The following ZFHX2 variants were observed in gnomAD, a reference collection of about 807,000 sequenced individuals.
The protein encoded by ZFHX2 is zinc finger homeobox protein 2.
ZFHX2 carries 75 observed loss-of-function variants against 164.8 expected under a neutral mutation model. That is an observed-to-expected ratio of 0.46 (90% confidence interval 0.38 to 0.55). The LOEUF is 0.55. Ranked by LOEUF, ZFHX2 falls within the 20% of genes least tolerant of loss-of-function variation. The pLI, the probability that ZFHX2 is intolerant of heterozygous loss-of-function variation, is 0.00. For missense variants in ZFHX2, 2,933 were observed against 3,308.0 expected (o/e 0.89, Z 2.78); for synonymous variants, 1,217 against 1,351.4 (o/e 0.90, Z 2.18).
chr14:23,535,023 T>C lies in ZFHX2; in HGVS notation c.303A>G (p.Glu101=), dbSNP rs1169039616. 7 of 1,536,160 alleles carry C rather than the reference T, an allele frequency of 4.6e-6. No individual in the cohort carries two copies. In the South Asian group the frequency reaches 5.9e-5, roughly 13 times the overall value. The change falls in exon 2 of 10, where the codon GAA becomes GAG. Residue 101 remains glutamate, a synonymous_variant. Coordinates refer to ENST00000419474, the MANE Select transcript of ZFHX2 (RefSeq NM_033400.3). This position sits in a 1 kb window ranked among gnomAD's most constrained non-coding sequence, Gnocchi z 4.5. ...GVEKDKEQEE[E]EEGLPPMDLS... ...GGTCCATGGGAGGGAGCCCTTCTTC[T>C]TCCTCCTCCTGCTCCTTGTCCTTTT...
intron 1 of ZFHX2, among the ~76,000 whole-genome samples, chr14:23,536,223 C>G (rs1279587164): frequency 6.6e-6 from 1 of 152,180 alleles, no homozygotes; most frequent in Non-Finnish European, 1.5e-5. Context: ...CATCCAGCAG[C>G]CAGAATGGGG....
intron 7 of ZFHX2, among the ~76,000 whole-genome samples, 177 bp downstream of exon 7, chr14:23,527,427 C>T (rs1878878116): frequency 6.6e-6 from 1 of 152,228 alleles, no homozygotes; most frequent in African/African-American, 2.4e-5. Context: ...TTCCTCCCCT[C>T]CTGGATGGCC....
In ZFHX2 at chr14:23,526,437, G is replaced by A. The variant is rs762706236; in HGVS notation, c.3505C>T (p.His1169Tyr). Residue 1169 changes from histidine (H) to tyrosine (Y), a missense_variant, in exon 9 of 10, where the codon CAC becomes TAC. Physicochemically the swap from His to Tyr is moderately conservative, Grantham distance 83 (BLOSUM62 2). Transcript: ENST00000419474. ...GTGGTTTTCCGATAGGTCAGAGGGT[G>A]GCGAGAGTCAGCTGGAGCTGGCTCT... ...SAEPAPADSR[H>Y]PLTYRKTTNF... is the part of the protein sequence containing the mutation. 128 of 1,536,354 alleles carry A rather than the reference G, an allele frequency of 8.3e-5. No homozygotes were observed. In the African/African-American group the frequency reaches 1.6e-3, roughly 20 times the overall value.
Position 23,525,908 on chromosome 14 carries a change from A to AG in ZFHX2, c.4033dup (p.Leu1345ProfsTer13). On this transcript the variant is annotated frameshift_variant, in exon 9 of 10. Transcript: ENST00000419474. LOFTEE classifies it high-confidence loss of function. The surrounding 1 kb of genome is among the most constrained non-coding windows in gnomAD (Gnocchi z 5.9). ...TTCGGGCACCAGAGGGAAGGGGGGC[A>AG]GGACTGGTGGGGTGAAGAGAGGGGC... 6.9e-7 allele frequency: 1 copy of AG among 1,440,188 alleles called. No homozygotes were observed. The highest frequency in any genetic ancestry group is 9.1e-7 in the Non-Finnish European group (1 of 1,101,436). 89.2% of individuals were successfully genotyped at this position (1,440,188 alleles called of 1,614,324 possible). A position where few individuals can be genotyped will look rare whatever the true frequency, so the allele number is the denominator to read the frequency against.
At position 23,551,085 on chromosome 14, in the gene ZFHX2, ATC is replaced by A. The variant is rs1484504913; in HGVS notation, c.-50+256_-50+257del. ...TTCCCGTTTCTCCCTCCACCCCCGC[ATC>A]TCTCTTCCCCCATCCTCGCGCACGC... On this transcript the variant is annotated intron_variant, in intron 1 of 9. Transcript: ENST00000419474. The surrounding 1 kb of genome is among the most constrained non-coding windows in gnomAD (Gnocchi z 5.3). Among the ~76,000 whole-genome samples the A allele has an allele frequency of 7.9e-6, 1 of 127,134 alleles. No individual in the cohort carries two copies. Among genetic ancestry groups the A allele is most frequent in the East Asian group, 2.2e-4 (1 of 4,578 alleles). 83.4% of individuals were successfully genotyped at this position (127,134 alleles called of 152,430 possible).
chr14:23,541,476 A>G (rs1880811182), intron 1 of ZFHX2, among the ~76,000 whole-genome samples: 1 of 150,910 alleles, frequency 6.6e-6, no homozygotes, highest in Non-Finnish European at 1.5e-5. Context: ...TAGTACAGAC[A>G]GAGCTTCTCC....
rs1437545807 is a variant in ZFHX2, at chr14:23,532,889, G to A, written c.2237C>T (p.Pro746Leu). The A allele has an allele frequency of 4.6e-6, 7 of 1,536,108 alleles. No individual in the cohort carries two copies. Among genetic ancestry groups the A allele is most frequent in the East Asian group, 4.9e-5 (2 of 40,940 alleles). Reference protein sequence around the residue: ...LYHCSIGRSLPEAEWKEVAGD... With the variant: ...LYHCSIGRSLLEAEWKEVAGD... ...AGCCACCTCCTTCCATTCAGCTTCC[G>A]GGAGGCTCCGGCCTATGCTGCAGTG... The change falls in exon 3 of 10, where the codon CCG becomes CTG. Residue 746 changes from proline (P) to leucine (L), a missense_variant. Pro to Leu is a moderately conservative substitution (Grantham distance 98). Transcript: ENST00000419474.
chr14:23,531,162 C>T (rs189304552), intron 4 of ZFHX2: 203 of 237,358 alleles, frequency 8.6e-4, no homozygotes, highest in African/African-American at 4.0e-3. Flanking sequence ...CTACCCAGCT[C>T]CAGCCTGCCA....
chr14:23,553,987 C>T (rs959186160), upstream of ZFHX2, among the ~76,000 whole-genome samples: 2 of 147,124 alleles, frequency 1.4e-5, no homozygotes, highest in Non-Finnish European at 3.0e-5. Flanking sequence ...TCATTTGAAC[C>T]CAGGAGGCAG....
At chr14:23,538,068 A>G (rs1880384448) in intron 1 of ZFHX2, 1 of 152,312 alleles carries the variant, frequency 6.6e-6, no homozygotes, top group Non-Finnish European at 1.5e-5. Flanking sequence ...CCCAAATCCT[A>G]CAGTAACTCC....
Position 23,521,861 on chromosome 14 carries a change from G to T in ZFHX2, c.*101C>A. ...GAACAGTTCCTGTGAGGTGGGCGGG[G>T]CCAGGGGGTGGGGTGAGGGATTTGA... On this transcript the variant is annotated 3_prime_UTR_variant, in exon 10 of 10. Transcript: ENST00000419474. 1.3e-6 allele frequency: 2 copies of T among 1,491,392 alleles called. No homozygotes were observed. The highest frequency in any genetic ancestry group is 1.8e-6 in the Non-Finnish European group (2 of 1,126,260). 92.4% of individuals were successfully genotyped at this position (1,491,392 alleles called of 1,614,324 possible).
chr14:23,535,421 C>G lies in ZFHX2; in HGVS notation c.-49-47G>C, dbSNP rs1262503566. ...GCAGTGCTGTGAGGCTGCAGGGACCCCAGCTGGGCAGCTGGATCTCTGGAT... is the reference window on the plus strand; with the variant it reads ...GCAGTGCTGTGAGGCTGCAGGGACCGCAGCTGGGCAGCTGGATCTCTGGAT... On this transcript the variant is annotated intron_variant, in intron 1 of 9. Coordinates refer to ENST00000419474, the MANE Select transcript of ZFHX2 (RefSeq NM_033400.3). This position sits in a 1 kb window ranked among gnomAD's most constrained non-coding sequence, Gnocchi z 4.5. 1 of 1,380,926 alleles carries G rather than the reference C, an allele frequency of 7.2e-7. No homozygotes were observed. Among genetic ancestry groups the G allele is most frequent in the Non-Finnish European group, 9.4e-7 (1 of 1,064,926 alleles). 85.5% of individuals were successfully genotyped at this position (1,380,926 alleles called of 1,614,324 possible). A position where few individuals can be genotyped will look rare whatever the true frequency, so the allele number is the denominator to read the frequency against.
chr14:23,540,406 T>A (rs201341645), intron 1 of ZFHX2, among the ~76,000 whole-genome samples: 1 of 152,212 alleles, frequency 6.6e-6, no homozygotes, highest in African/African-American at 2.4e-5. Flanking sequence ...CCTCAGGCAT[T>A]GCACCCTTCC....
intron 3 of ZFHX2, 58 bp downstream of exon 3, chr14:23,532,509 C>T: frequency 3.5e-6 from 5 of 1,411,774 alleles, no homozygotes; most frequent in Non-Finnish European, 4.6e-6. Flanking sequence ...TCTGCATCTC[C>T]TCCCTCTGTC....
At position 23,524,281 on chromosome 14, in the gene ZFHX2, G is replaced by A. The variant is rs756282132; in HGVS notation, c.5661C>T (p.Leu1887=). The change falls in exon 9 of 10, where the codon CTC becomes CTT. Residue 1887 remains leucine, a synonymous_variant. Coordinates refer to ENST00000419474, the MANE Select transcript of ZFHX2 (RefSeq NM_033400.3). The surrounding 1 kb of genome is among the most constrained non-coding windows in gnomAD (Gnocchi z 5.6). ...GCCCCACCTCCTCGGAGATGCAGTCGAGCATCTTGCGTGTTGGGTTGGAAT... is the reference window on the plus strand; with the variant it reads ...GCCCCACCTCCTCGGAGATGCAGTCAAGCATCTTGCGTGTTGGGTTGGAAT... The part of the protein sequence containing the change: ...MQDSNPTRKM[L]DCISEEVGLK... The A allele has an allele frequency of 1.1e-5, 17 of 1,536,340 alleles. No homozygotes were observed. In the East Asian group the frequency reaches 1.7e-4, roughly 15 times the overall value.
chr14:23,550,245 A>T (rs760787946), intron 1 of ZFHX2, among the ~76,000 whole-genome samples: 2 of 152,236 alleles, frequency 1.3e-5, no homozygotes, highest in African/African-American at 4.8e-5. Context: ...TGTCCTGGCC[A>T]TGCTGAAGGC....
intron 1 of ZFHX2, among the ~76,000 whole-genome samples, chr14:23,550,834 C>CGCCCCA (rs1189545746): frequency 1.3e-5 from 2 of 152,128 alleles, no homozygotes; most frequent in African/African-American, 4.8e-5. Flanking sequence ...TCCCACTCCA[C>CGCCCCA]GCCCCAGCGC....
intron 3 of ZFHX2, 145 bp from the exon 4 acceptor site, chr14:23,531,866 C>T (rs986991421): frequency 1.8e-5 from 20 of 1,100,266 alleles, no homozygotes; most frequent in Non-Finnish European, 1.8e-5. Context: ...AAGCCTCTAC[C>T]TCCTGGGTTC....
chr14:23,537,888 G>C (rs1422204733), intron 1 of ZFHX2: 1 of 152,314 alleles, frequency 6.6e-6, no homozygotes, highest in Non-Finnish European at 1.5e-5. Flanking sequence ...AACTGACTGG[G>C]CAAGAGGCCC....
Sources: allele counts gnomAD v4.1 joint callset (sites outside exome capture counted in the v4.1 genomes callset), GRCh38; gene constraint gnomAD v4.1.1; non-coding constraint Gnocchi (gnomAD v3.1); transcripts MANE v1.5; gene names NCBI Gene and HGNC (gene_info 2026-07-23, HGNC 2026-07-21).